Variants in PLCH1 observed in about 807,000 individuals in gnomAD.
The protein encoded by PLCH1 is phospholipase C eta 1, also known as 1-phosphatidylinositol 4,5-bisphosphate phosphodiesterase eta-1.
Under a neutral mutation model 126.7 loss-of-function variants are expected in PLCH1, and 60 were observed. That is an observed-to-expected ratio of 0.47 (90% CI 0.38 to 0.59). The LOEUF (loss-of-function observed/expected upper bound fraction) is 0.59. PLCH1 is among the 20% of genes least tolerant of loss of function. PLCH1 has a pLI of 0.00. For missense variants in PLCH1, 1,723 were observed against 2,040.0 expected (o/e 0.84, Z 2.99); for synonymous variants, 719 against 734.9 (o/e 0.98, Z 0.35).
intron 12 of PLCH1, among the ~76,000 whole-genome samples, chr3:155,506,233 T>C (rs998498700): frequency 6.6e-6 from 1 of 151,978 alleles, no homozygotes; most frequent in African/African-American, 2.4e-5. Flanking sequence ...AGTTAGATTA[T>C]ATGCCCAAAG....
At chr3:155,721,865 T>C (rs779935847) in intron 1 of PLCH1, among the ~76,000 whole-genome samples, 1 of 152,074 alleles carries the variant, frequency 6.6e-6, no homozygotes, top group African/African-American at 2.4e-5. Context: ...CTGGCCAACA[T>C]GGTGAAACCT....
At chr3:155,456,477 C>T (rs1712444027) in intron 21 of PLCH1, among the ~76,000 whole-genome samples, 1 of 152,174 alleles carries the variant, frequency 6.6e-6, no homozygotes, top group African/African-American at 2.4e-5. Flanking sequence ...TGCCCAAATC[C>T]TCTTTTCTGC....
chr3:155,629,096 G>C (rs1258678119), intron 2 of PLCH1, among the ~76,000 whole-genome samples: 1 of 152,112 alleles, frequency 6.6e-6, no homozygotes, highest in African/African-American at 2.4e-5. Context: ...AGAGAATCGT[G>C]GTGAAGATTA....
intron 22 of PLCH1, 186 bp from the exon 23 acceptor site, chr3:155,483,237 A>G (rs1393429073): frequency 1.1e-6 from 1 of 899,662 alleles, no homozygotes; most frequent in African/African-American, 1.7e-5. Context: ...AAATATATTT[A>G]TAGGAATTTC....
At chr3:155,546,703 G>A (rs4680191) in intron 10 of PLCH1, among the ~76,000 whole-genome samples, 2 of 147,314 alleles carry the variant, frequency 1.4e-5, no homozygotes, top group African/African-American at 4.9e-5. Context: ...ATAGATCAAT[G>A]GAACAGAACA....
chr3:155,492,989 A>AG, intron 17 of PLCH1, 136 bp from the exon 18 acceptor site: 1 of 751,160 alleles, frequency 1.3e-6, no homozygotes, highest in Admixed American at 4.1e-5. Context: ...AGTGTGGCAT[A>AG]GCTGTGGTTT....
At chr3:155,470,545 G>A (rs1330258062) in intron 21 of PLCH1, among the ~76,000 whole-genome samples, 1 of 152,090 alleles carries the variant, frequency 6.6e-6, no homozygotes, top group Non-Finnish European at 1.5e-5. Flanking sequence ...ACCAAGGCAG[G>A]CCAACGTTCA....
chr3:155,521,897 G>T lies in PLCH1; in HGVS notation c.1470+2000C>A, dbSNP rs552025253. Among the ~76,000 whole-genome samples, 25 of 152,218 alleles carry T rather than the reference G, an allele frequency of 1.6e-4. No homozygotes were observed. The South Asian group carries it at 5.2e-3, about 32-fold the overall frequency. ...TACTTTCACTTAGGGCCAAACCAAAGAATCCAAATGAAAGATCATATCTAA... is the reference window on the plus strand; with the variant it reads ...TACTTTCACTTAGGGCCAAACCAAATAATCCAAATGAAAGATCATATCTAA... On this transcript the variant is annotated intron_variant, in intron 11 of 22. Transcript: ENST00000460012.
At chr3:155,575,345 C>T (rs1197491512) in intron 6 of PLCH1, among the ~76,000 whole-genome samples, 1 of 151,918 alleles carries the variant, frequency 6.6e-6, no homozygotes, top group Non-Finnish European at 1.5e-5. Context: ...ATTCTGGATT[C>T]AATGAAGGGT....
At chr3:155,543,985 G>A (rs199716612) in intron 10 of PLCH1, among the ~76,000 whole-genome samples, 9 of 151,736 alleles carry the variant, frequency 5.9e-5, no homozygotes, top group Non-Finnish European at 1.0e-4. Context: ...ATCAACTAAC[G>A]AGCAAATAAC....
chr3:155,513,643 G>A (rs997429776), intron 12 of PLCH1, among the ~76,000 whole-genome samples: 1 of 152,180 alleles, frequency 6.6e-6, no homozygotes, highest in Non-Finnish European at 1.5e-5. Flanking sequence ...ACTATTCATA[G>A]AAATTATTAA....
rs367678099 is a variant in PLCH1 at position 155,481,156 on chromosome 3, C to T, written c.4870G>A (p.Gly1624Ser). ...PTPAVNRHST[G>S]SYIAGYLKNT... ...TTCAGGTAGCCTGCGATGTAGGAGC[C>T]GGTGGAGTGGCGATTCACTGCAGGG... The change falls in exon 23 of 23, where the codon GGC becomes AGC. Residue 1624 changes from glycine (G) to serine (S), a missense_variant. Physicochemically the swap from Gly to Ser is moderately conservative, Grantham distance 56. Transcript: ENST00000460012. The surrounding 1 kb of genome is among the most constrained non-coding windows in gnomAD (Gnocchi z 4.2). The T allele has an allele frequency of 2.1e-4, 342 of 1,614,094 alleles. No individual in the cohort carries two copies. The highest frequency in any genetic ancestry group is 2.8e-4 in the Non-Finnish European group (327 of 1,180,036).
At chr3:155,643,916 C>T (rs1349489335) in intron 2 of PLCH1, among the ~76,000 whole-genome samples, 2 of 152,186 alleles carry the variant, frequency 1.3e-5, no homozygotes, top group Non-Finnish European at 2.9e-5. Flanking sequence ...TAGTCAATCC[C>T]ATCCAACCAG....
chr3:155,615,313 G>T (rs1052474990), intron 2 of PLCH1, among the ~76,000 whole-genome samples: 2 of 152,136 alleles, frequency 1.3e-5, no homozygotes, highest in Non-Finnish European at 2.9e-5. Context: ...TTGTGAACAG[G>T]GAACAGTTCT....
chr3:155,624,382 T>C (rs937083056), intron 2 of PLCH1, among the ~76,000 whole-genome samples: 10 of 152,118 alleles, frequency 6.6e-5, no homozygotes, highest in Non-Finnish European at 1.3e-4. Context: ...TTCAACATAG[T>C]ATTGGAAGTT....
chr3:155,635,475 T>C (rs1738610878), intron 2 of PLCH1, among the ~76,000 whole-genome samples: 1 of 152,234 alleles, frequency 6.6e-6, no homozygotes, highest in Non-Finnish European at 1.5e-5. Flanking sequence ...ATTGTGCACT[T>C]GCCTCAAGAC....
intron 10 of PLCH1, among the ~76,000 whole-genome samples, chr3:155,547,728 A>C (rs945470354): frequency 3.1e-4 from 47 of 151,912 alleles, no homozygotes; most frequent in Non-Finnish European, 2.1e-4. Context: ...TGATGAGTTC[A>C]TGTCCTTTGT....
chr3:155,724,663 G>C (rs1424963417), intron 1 of PLCH1, among the ~76,000 whole-genome samples: 1 of 152,156 alleles, frequency 6.6e-6, no homozygotes, highest in Non-Finnish European at 1.5e-5. Context: ...CTTGAAGGCA[G>C]GGGATAGTTA....
chr3:155,570,706 G>A (rs1051304834), intron 6 of PLCH1, among the ~76,000 whole-genome samples: 2 of 152,146 alleles, frequency 1.3e-5, no homozygotes, highest in African/African-American at 4.8e-5. Flanking sequence ...AAAACTGTAA[G>A]AGGCAGAACC....
Sources: allele counts gnomAD v4.1 joint callset (sites outside exome capture counted in the v4.1 genomes callset), GRCh38; gene constraint gnomAD v4.1.1; non-coding constraint Gnocchi (gnomAD v3.1); transcripts MANE v1.5; gene names NCBI Gene and HGNC (gene_info 2026-07-23, HGNC 2026-07-21).